The following SNPH variants were observed in gnomAD, a reference collection of about 807,000 sequenced individuals.
The protein encoded by SNPH is syntaphilin.
In SNPH, 10 loss-of-function variants were observed where a neutral mutation model predicts 36.8. The observed-to-expected ratio is 0.27, with a 90% CI of 0.17 to 0.46. The LOEUF (loss-of-function observed/expected upper bound fraction) is 0.46, where lower values mean the gene tolerates loss of function less well. Ranked by LOEUF, SNPH falls within the 20% of genes least tolerant of loss-of-function variation. The pLI, the probability that SNPH is intolerant of heterozygous loss-of-function variation, is 1.00. For synonymous variants in SNPH, 281 were observed against 312.2 expected, an observed-to-expected ratio of 0.90 and a Z score of 1.05; for missense variants, 622 against 744.0, an observed-to-expected ratio of 0.84 and a Z score of 1.91.
At position 1,304,730 on chromosome 20, in the gene SNPH, ATTGAG is replaced by A. The variant is rs946948500; in HGVS notation, c.441-145_441-141del. ...TCACTCCCCACTATAATAAGAAGGCATTGAGTTTGTCCTTCTGTTTTGGGTTCTGA... is the reference window on the plus strand; with the variant it reads ...TCACTCCCCACTATAATAAGAAGGCATTTGTCCTTCTGTTTTGGGTTCTGA... On this transcript the variant is annotated intron_variant, in intron 6 of 6. Transcript: ENST00000381867. This position sits in a 1 kb window ranked among gnomAD's most constrained non-coding sequence, Gnocchi z 4.3. 1.0e-5 allele frequency: 7 copies of A among 674,594 alleles called. No homozygotes were observed. The highest frequency in any genetic ancestry group is 1.8e-5 in the Non-Finnish European group (7 of 397,968). The allele number at this position is 674,594 out of a possible 1,614,324, so 41.8% of individuals were successfully genotyped here.
Position 1,305,215 on chromosome 20 carries a change from A to T in SNPH, c.778A>T (p.Thr260Ser). The T allele has an allele frequency of 6.2e-7, 1 of 1,611,842 alleles. No individual in the cohort carries two copies. Among genetic ancestry groups the T allele is most frequent in the Non-Finnish European group, 8.5e-7 (1 of 1,179,748 alleles). The change falls in exon 7 of 7, where the codon ACC (threonine) becomes TCC (serine). Residue 260 changes from threonine to serine, a missense_variant. Physicochemically the swap from Thr to Ser is moderately conservative, Grantham distance 58. Around this residue, in one of 3 missense-constraint regions of SNPH, gnomAD observed 379 missense variants for 427.9 expected, o/e 0.89. Coordinates refer to ENST00000381867, the MANE Select transcript of SNPH (RefSeq NM_001318234.2). Reference sequence around the variant, plus strand: ...CTCCCTCACCCGCAGCTCCACCTACACCAAGCTGAGTGACCCGGCTGTCTG... The same window carrying T: ...CTCCCTCACCCGCAGCTCCACCTACTCCAAGCTGAGTGACCCGGCTGTCTG... ...ARSLTRSSTY[T>S]KLSDPAVCGD...
rs985816438 is a variant in SNPH at position 1,276,470 on chromosome 20, G to T, written c.-493+9710G>T. Among the ~76,000 whole-genome samples the T allele has an allele frequency of 6.6e-6, 1 of 152,190 alleles. No homozygotes were observed. Among genetic ancestry groups the T allele is most frequent in the African/African-American group, 2.4e-5 (1 of 41,444 alleles). ...CGTCTCTGCCGTGGACTGACTTTGT[G>T]ACTGGGCAAGTCACTTAATTTATCT... On this transcript the variant is annotated intron_variant, in intron 2 of 6. Transcript: ENST00000381867. This position sits in a 1 kb window ranked among gnomAD's most constrained non-coding sequence, Gnocchi z 4.6.
Position 1,303,296 on chromosome 20 carries a change from A to G in SNPH, c.441-1582A>G, listed in dbSNP as rs140474998. Among the ~76,000 whole-genome samples the G allele has an allele frequency of 9.3e-3, 1,419 of 152,284 alleles. 29 individuals are homozygous for G. The highest frequency in any genetic ancestry group is 0.032 in the African/African-American group (1,313 of 41,554). ...TGGGCAGACTTACCCTTCAAGACGC[A>G]CTTCAGATGTGATGCCCACTGAGGC... On this transcript the variant is annotated intron_variant, in intron 6 of 6. Transcript: ENST00000381867.
At chr20:1,270,986 G>A (rs2088065937) in intron 2 of SNPH, among the ~76,000 whole-genome samples, 2 of 152,246 alleles carry the variant, frequency 1.3e-5, no homozygotes, top group Admixed American at 6.5e-5. Flanking sequence ...TGCAGGTGAT[G>A]TGAAGCTCAA....
In SNPH at chr20:1,276,926, A is replaced by G. The variant is rs916212909; in HGVS notation, c.-493+10166A>G. Among the ~76,000 whole-genome samples the G allele has an allele frequency of 6.6e-6, 1 of 152,186 alleles. No homozygotes were observed. Among genetic ancestry groups the G allele is most frequent in the Non-Finnish European group, 1.5e-5 (1 of 68,024 alleles). The stretch of plus-strand genomic sequence containing the variant: ...TTGACTCAGATCTCGTTGGTCAATT[A>G]TTAGAAATCAGTTGGGGTTCGGCTT... On this transcript the variant is annotated intron_variant, in intron 2 of 6. Transcript: ENST00000381867. This position sits in a 1 kb window ranked among gnomAD's most constrained non-coding sequence, Gnocchi z 4.6.
intron 2 of SNPH, among the ~76,000 whole-genome samples, chr20:1,281,244 C>T (rs117797937): frequency 0.039 from 5,989 of 152,246 alleles, 230 homozygotes; most frequent in Non-Finnish European, 0.055. Flanking sequence ...ACCTCCTCAC[C>T]TCCACTCTCA....
intron 6 of SNPH, among the ~76,000 whole-genome samples, chr20:1,302,916 G>T (rs565976147): frequency 3.3e-5 from 5 of 152,326 alleles, no homozygotes; most frequent in Admixed American, 6.5e-5. Context: ...GTGGCCTTTT[G>T]CACTAATGCC....
At chr20:1,291,736 G>C (rs1284430997) in intron 2 of SNPH, among the ~76,000 whole-genome samples, 2 of 152,200 alleles carry the variant, frequency 1.3e-5, no homozygotes, top group Non-Finnish European at 2.9e-5. Context: ...TCGGATTTTA[G>C]GATAGCTTTC....
At chr20:1,288,638 T>G (rs2088313110) in intron 2 of SNPH, among the ~76,000 whole-genome samples, 1 of 151,154 alleles carries the variant, frequency 6.6e-6, no homozygotes, top group East Asian at 1.9e-4. Context: ...TTTTTTTTTT[T>G]GAGATGGAGT....
rs111897325 is a variant in SNPH, at chr20:1,304,638, C to A, written c.441-240C>A. ...GAATGCGAGTGGTGTCTCCTCCCAA[C>A]CTTTCTTCTCTCTCCAGGCAGAGGC... On this transcript the variant is annotated intron_variant, in intron 6 of 6. Coordinates refer to ENST00000381867, the MANE Select transcript of SNPH (RefSeq NM_001318234.2). The surrounding 1 kb of genome is among the most constrained non-coding windows in gnomAD (Gnocchi z 4.3). 6.6e-6 allele frequency among the ~76,000 whole-genome samples: 1 copy of A among 152,078 alleles called. No individual in the cohort carries two copies. The highest frequency in any genetic ancestry group is 1.5e-5 in the Non-Finnish European group (1 of 68,018).
At chr20:1,293,237 CG>C (rs1246556430) in intron 2 of SNPH, among the ~76,000 whole-genome samples, 1 of 152,052 alleles carries the variant, frequency 6.6e-6, no homozygotes, top group Non-Finnish European at 1.5e-5. Flanking sequence ...CCCCCATTGT[CG>C]GGGGGGTTAG....
chr20:1,279,618 C>CTTTTTTTTTTTTTTT (rs1162325274), intron 2 of SNPH, among the ~76,000 whole-genome samples: 1 of 123,088 alleles, frequency 8.1e-6, no homozygotes, highest in African/African-American at 3.0e-5. Flanking sequence ...ACTCCGGCTT[C>CTTTTTTTTTTTTTTT]TTTTTTTTTT....
At chr20:1,280,311 G>T (rs1331761947) in intron 2 of SNPH, among the ~76,000 whole-genome samples, 2 of 152,212 alleles carry the variant, frequency 1.3e-5, no homozygotes, top group Admixed American at 1.3e-4. Context: ...GTATCTTACT[G>T]GTGCACGATG....
At position 1,305,194 on chromosome 20, in the gene SNPH, C is replaced by G. The variant is rs2088553100; in HGVS notation, c.757C>G (p.Leu253Val). ...ESAGGSPARS[L>V]TRSSTYTKLS... ...AGCCGGTGGGTCCCCTGCCCGCTCC[C>G]TCACCCGCAGCTCCACCTACACCAA... Residue 253 changes from leucine to valine, a missense_variant, in exon 7 of 7, where the codon CTC (leucine) becomes GTC (valine). Coordinates refer to ENST00000381867, the MANE Select transcript of SNPH (RefSeq NM_001318234.2). 1 of 1,611,948 alleles carries G rather than the reference C, an allele frequency of 6.2e-7. No individual in the cohort carries two copies. The highest frequency in any genetic ancestry group is 8.5e-7 in the Non-Finnish European group (1 of 1,179,650).
Position 1,305,189 on chromosome 20 carries a change from G to T in SNPH, c.752G>T (p.Arg251Leu). 6.2e-7 allele frequency: 1 copy of T among 1,611,756 alleles called. No individual in the cohort carries two copies. Among genetic ancestry groups the T allele is most frequent in the South Asian group, 1.1e-5 (1 of 90,970 alleles). Residue 251 changes from arginine to leucine, a missense_variant, in exon 7 of 7, where the codon CGC (arginine) becomes CTC (leucine). Arg to Leu is a moderately radical substitution (Grantham distance 102). Around this residue, in one of 3 missense-constraint regions of SNPH, gnomAD observed 379 missense variants for 427.9 expected, o/e 0.89. Transcript: ENST00000381867. The stretch of plus-strand genomic sequence containing the variant: ...GAGTCAGCCGGTGGGTCCCCTGCCC[G>T]CTCCCTCACCCGCAGCTCCACCTAC... ...TGESAGGSPARSLTRSSTYTK... is the reference protein window; with the variant it reads ...TGESAGGSPALSLTRSSTYTK...
intron 2 of SNPH, among the ~76,000 whole-genome samples, chr20:1,288,362 G>T (rs923514640): frequency 1.3e-5 from 2 of 152,190 alleles, no homozygotes; most frequent in African/African-American, 4.8e-5. Flanking sequence ...GTGAATGCAT[G>T]AGACAGCTGA....
intron 2 of SNPH, among the ~76,000 whole-genome samples, chr20:1,292,835 T>G (rs2088379615): frequency 6.6e-6 from 1 of 152,212 alleles, no homozygotes. Flanking sequence ...TGCCACCTGG[T>G]GAACTCTTAT....
chr20:1,305,406 C>T lies in SNPH; in HGVS notation c.969C>T (p.Ser323=), dbSNP rs748633621. 2 of 1,613,062 alleles carry T rather than the reference C, an allele frequency of 1.2e-6. No individual in the cohort carries two copies. Among genetic ancestry groups the T allele is most frequent in the South Asian group, 1.1e-5 (1 of 91,086 alleles). Residue 323 remains serine, a synonymous_variant, in exon 7 of 7, where the codon AGC becomes AGT. Coordinates refer to ENST00000381867, the MANE Select transcript of SNPH (RefSeq NM_001318234.2). ...GCACCGAGGAGACCTCGCTGCACAG[C>T]TCCTTCGGCCTGGGCCCCCGCTTCC... ...DCGTEETSLH[S]SFGLGPRFPA...
Position 1,305,488 on chromosome 20 carries a change from A to G in SNPH, c.1051A>G (p.Ser351Gly). 6.2e-7 allele frequency: 1 copy of G among 1,613,232 alleles called. No homozygotes were observed. Among genetic ancestry groups the G allele is most frequent in the South Asian group, 1.1e-5 (1 of 91,088 alleles). ...LCGMEAGVQA[S>G]CMQERAIQTD... Reference sequence around the variant, plus strand: ...TGGCATGGAGGCTGGTGTGCAGGCCAGCTGCATGCAGGAGCGTGCCATCCA... The same window carrying G: ...TGGCATGGAGGCTGGTGTGCAGGCCGGCTGCATGCAGGAGCGTGCCATCCA... Residue 351 changes from serine (S) to glycine (G), a missense_variant, in exon 7 of 7, where the codon AGC becomes GGC. This residue lies in a region of SNPH where 379 missense variants were observed against 427.9 expected (regional missense o/e 0.89). Transcript: ENST00000381867.
Sources: gnomAD v4.1 joint callset for allele counts (sites outside exome capture counted in the v4.1 genomes callset) on GRCh38, gnomAD v4.1.1 for gene constraint, gnomAD v4.1.1 regional missense constraint, Gnocchi (gnomAD v3.1) non-coding constraint, MANE v1.5 for transcripts, NCBI Gene and HGNC (gene_info 2026-07-23, HGNC 2026-07-21) for gene names.